The following KLF12 variants were observed in gnomAD, a reference collection of about 807,000 sequenced individuals.
The protein encoded by KLF12 is Krueppel-like factor 12.
In KLF12, 9 loss-of-function variants were observed where a neutral mutation model predicts 37.8. That is an observed-to-expected ratio of 0.24 (90% CI 0.14 to 0.42). The LOEUF is 0.42. KLF12 is among the 10% of genes least tolerant of loss of function. The probability of loss-of-function intolerance (pLI) is 1.00; values close to 1 mark genes in which losing one functional copy is unlikely to be tolerated. For missense variants in KLF12, 411 were observed against 516.0 expected (o/e 0.80, Z 1.97); for synonymous variants, 208 against 202.1 (o/e 1.03, Z -0.25).
At chr13:73,883,288 C>T (rs1275962664) in intron 3 of KLF12, among the ~76,000 whole-genome samples, 1 of 152,152 alleles carries the variant, frequency 6.6e-6, no homozygotes, top group Non-Finnish European at 1.5e-5. Context: ...GAATCAGCCT[C>T]ACAAGTTTCT....
intron 7 of KLF12, among the ~76,000 whole-genome samples, chr13:73,707,079 T>G (rs1343005635): frequency 6.6e-6 from 1 of 152,154 alleles, no homozygotes; most frequent in Admixed American, 6.5e-5. Context: ...TAGACATGCA[T>G]AGGAGCACGG....
rs116039580 is a variant in KLF12 at position 73,769,586 on chromosome 13, C to T, written c.807-4586G>A. Among the ~76,000 whole-genome samples the T allele has an allele frequency of 6.9e-3, 1,051 of 152,240 alleles. 20 individuals carry two copies. The highest frequency in any genetic ancestry group is 0.024 in the African/African-American group (997 of 41,544). On this transcript the variant is annotated intron_variant, in intron 5 of 7. Coordinates refer to ENST00000377669, the MANE Select transcript of KLF12 (RefSeq NM_007249.5). ...CTAAAAGAGGCTCCAACTGAGCTAC[C>T]ATCATGACCTTCCCATCCACATCAT...
At chr13:74,015,000 A>G (rs1018718063) in intron 1 of KLF12, among the ~76,000 whole-genome samples, 1 of 152,180 alleles carries the variant, frequency 6.6e-6, no homozygotes, top group Non-Finnish European at 1.5e-5. Context: ...GCTCATAACT[A>G]CTACAGTTTA....
chr13:74,026,224 C>T (rs1360833476), intron 1 of KLF12, among the ~76,000 whole-genome samples: 1 of 149,622 alleles, frequency 6.7e-6, no homozygotes, highest in East Asian at 1.9e-4. Flanking sequence ...CTTCAAGTAC[C>T]AAAATATATG....
At chr13:74,275,817 T>C in the KLF12 span, among the ~76,000 whole-genome samples, 6 of 106,752 alleles carry the variant, frequency 5.6e-5, no homozygotes, top group East Asian at 1.2e-3. Context: ...CTTCTTTCTT[T>C]CTTTCTTTCT....
intron 5 of KLF12, among the ~76,000 whole-genome samples, chr13:73,781,902 T>C (rs1880990882): frequency 6.6e-6 from 1 of 152,240 alleles, no homozygotes; most frequent in Non-Finnish European, 1.5e-5. Flanking sequence ...ACTCTTTCAT[T>C]CTTGCCCTGG....
chr13:74,282,587 C>T, the KLF12 span, among the ~76,000 whole-genome samples: 5 of 152,144 alleles, frequency 3.3e-5, no homozygotes, highest in African/African-American at 1.2e-4. Context: ...GGGGACGCAC[C>T]TCCTGAGAGG....
chr13:74,137,361 G>A (rs1476916799), upstream of KLF12, among the ~76,000 whole-genome samples: 1 of 152,166 alleles, frequency 6.6e-6, no homozygotes, highest in African/African-American at 2.4e-5. Flanking sequence ...CTTCAATCCT[G>A]TTTAAAACCA....
the KLF12 span, chr13:74,259,367 A>G: frequency 6.6e-6 from 1 of 152,086 alleles, no homozygotes; most frequent in African/African-American, 2.4e-5. Flanking sequence ...GACTTTCCTC[A>G]TCTCTCTGCA....
intron 6 of KLF12, among the ~76,000 whole-genome samples, chr13:73,731,491 C>G (rs1031035162): frequency 8.5e-6 from 1 of 116,996 alleles, no homozygotes; most frequent in Admixed American, 1.1e-4. Context: ...AAATGTTGTC[C>G]AATGTGTAAT....
At chr13:74,232,435 A>T in the KLF12 span, among the ~76,000 whole-genome samples, 1 of 152,148 alleles carries the variant, frequency 6.6e-6, no homozygotes, top group African/African-American at 2.4e-5. Context: ...TAATTTATTC[A>T]TTCATATATG....
chr13:74,198,744 G>A, the KLF12 span, among the ~76,000 whole-genome samples: 1 of 152,178 alleles, frequency 6.6e-6, no homozygotes, highest in African/African-American at 2.4e-5. Context: ...CCTAGACGAT[G>A]TCTTACAAGT....
At chr13:73,914,991 G>A (rs899180657) in intron 3 of KLF12, among the ~76,000 whole-genome samples, 15 of 152,026 alleles carry the variant, frequency 9.9e-5, no homozygotes. Context: ...TTTAATTCTG[G>A]AAGCCTGAAG....
chr13:74,252,928 C>T, the KLF12 span, among the ~76,000 whole-genome samples: 2 of 152,116 alleles, frequency 1.3e-5, no homozygotes, highest in African/African-American at 4.8e-5. Flanking sequence ...CTATGTATAA[C>T]TTATGTATTT....
the KLF12 span, among the ~76,000 whole-genome samples, chr13:74,274,192 A>G: frequency 6.6e-6 from 1 of 152,120 alleles, no homozygotes; most frequent in Non-Finnish European, 1.5e-5. Context: ...CTAAATCCCT[A>G]TGTTGAAGCT....
intron 1 of KLF12, among the ~76,000 whole-genome samples, chr13:74,125,159 A>C (rs1283290911): frequency 6.7e-6 from 1 of 148,990 alleles, no homozygotes; most frequent in African/African-American, 2.4e-5. Flanking sequence ...AAAAAAATAT[A>C]TATATATACA....
intron 3 of KLF12, among the ~76,000 whole-genome samples, chr13:73,921,305 A>G (rs1020043504): frequency 6.6e-6 from 1 of 151,916 alleles, no homozygotes; most frequent in African/African-American, 2.4e-5. Context: ...TCTTTCATGT[A>G]CTCAAGTTGC....
At chr13:73,943,912 C>T (rs1028431784) in intron 3 of KLF12, 69 bp downstream of exon 3, 8 of 947,442 alleles carry the variant, frequency 8.4e-6, no homozygotes, top group Admixed American at 7.7e-5. Context: ...CTGCAAACCT[C>T]AGGATGCTCT....
At chr13:74,220,884 T>C in the KLF12 span, among the ~76,000 whole-genome samples, 2 of 152,354 alleles carry the variant, frequency 1.3e-5, no homozygotes, top group Admixed American at 1.3e-4. Flanking sequence ...CCATTGTGTA[T>C]ATATAATGTC....
Sources: gnomAD v4.1 joint callset for allele counts (sites outside exome capture counted in the v4.1 genomes callset) on GRCh38, gnomAD v4.1.1 for gene constraint, MANE v1.5 for transcripts, NCBI Gene and HGNC (gene_info 2026-07-23, HGNC 2026-07-21) for gene names.